Variants in PRAMEF4 observed in about 807,000 individuals in gnomAD.
PRAMEF4 encodes the protein PRAME family member 4.
Under a neutral mutation model 34.4 loss-of-function variants are expected in PRAMEF4, and 18 were observed. The ratio of observed to expected loss-of-function variants is 0.52; its 90% CI spans 0.36 to 0.78. The LOEUF is 0.78. Ranked by LOEUF, PRAMEF4 falls within the 30% of genes least tolerant of loss-of-function variation. The pLI, the probability that PRAMEF4 is intolerant of heterozygous loss-of-function variation, is 0.00. For synonymous variants in PRAMEF4, 156 were observed against 219.3 expected, an observed-to-expected ratio of 0.71 and a Z score of 2.55; for missense variants, 482 against 569.1, an observed-to-expected ratio of 0.85 and a Z score of 1.56.
At chr1:12,880,402 C>A (rs1640865290) in intron 3 of PRAMEF4, among the ~76,000 whole-genome samples, 1 of 150,356 alleles carries the variant, frequency 6.7e-6, no homozygotes, top group Admixed American at 6.7e-5. Context: ...ATGGCAAAAC[C>A]TCCTCTCTAC....
At chr1:12,883,444 C>A (rs374014730) in intron 1 of PRAMEF4, 34 bp from the exon 2 acceptor site, 110 of 1,600,126 alleles carry the variant, frequency 6.9e-5, no homozygotes, top group Middle Eastern at 2.2e-4. Flanking sequence ...AAAGGCATCT[C>A]TCTCGGGCCA....
intron 1 of PRAMEF4, among the ~76,000 whole-genome samples, chr1:12,884,304 TC>T (rs1640952239): frequency 6.7e-6 from 1 of 149,070 alleles, no homozygotes; most frequent in South Asian, 2.1e-4. Flanking sequence ...GGTGTGAGCC[TC>T]CACCCCAGCC....
chr1:12,881,729 A>G, intron 3 of PRAMEF4, 125 bp downstream of exon 3: 1 of 1,456,292 alleles, frequency 6.9e-7, no homozygotes, highest in Non-Finnish European at 9.3e-7. Flanking sequence ...AGGACAATGC[A>G]TGGACATTCT....
rs1411748055 is a variant in PRAMEF4, at chr1:12,881,987, G to A, written c.742C>T (p.Arg248Cys). 7.6e-6 allele frequency: 12 copies of A among 1,588,764 alleles called. No homozygotes were observed. The highest frequency in any genetic ancestry group is 3.5e-5 in the Admixed American group (2 of 57,562). ...TTCTTCTGCTCTGGGGAAACGTAGC[G>A]AGAGACATCCATGTGGGAGAGAATG... ...KLILSHMDVSRYVSPEQKKEI... is the reference protein window; with the variant it reads ...KLILSHMDVSCYVSPEQKKEI... Residue 248 changes from arginine to cysteine, a missense_variant, in exon 3 of 4, where the codon CGC (arginine) becomes TGC (cysteine). This residue lies in a region of PRAMEF4 where 81 missense variants were observed against 73.1 expected (regional missense o/e 1.11). Coordinates refer to ENST00000235349, the MANE Select transcript of PRAMEF4 (RefSeq NM_001009611.4).
At chr1:12,884,638 C>G (rs973062272) in intron 1 of PRAMEF4, among the ~76,000 whole-genome samples, 4 of 147,428 alleles carry the variant, frequency 2.7e-5, no homozygotes, top group African/African-American at 1.0e-4. Flanking sequence ...TCACTTGAAC[C>G]CAGGAGGCAG....
Position 12,879,731 on chromosome 1 carries a change from G to A in PRAMEF4, c.1250C>T (p.Ala417Val), listed in dbSNP as rs532637916. 2.5e-4 allele frequency: 408 copies of A among 1,603,272 alleles called. 21 individuals carry two copies. In the South Asian group the frequency reaches 4.2e-3, roughly 16 times the overall value. Residue 417 changes from alanine (A) to valine (V), a missense_variant, in exon 4 of 4, where the codon GCC becomes GTC. Ala to Val is a moderately conservative substitution (Grantham distance 64). Around this residue, in one of 6 missense-constraint regions of PRAMEF4, gnomAD observed 116 missense variants for 105.2 expected, o/e 1.10. Coordinates refer to ENST00000235349, the MANE Select transcript of PRAMEF4 (RefSeq NM_001009611.4). ...ATCAGCACCATAACTCTCCCGGGGG[G>A]CAGGATACAGCTCCACGCATAAGTT... Reference protein sequence around the residue: ...LKNLCVELYPAPRESYGADGT... With the variant: ...LKNLCVELYPVPRESYGADGT...
At chr1:12,882,741 C>G (rs111601764) in intron 2 of PRAMEF4, among the ~76,000 whole-genome samples, 6 of 148,090 alleles carry the variant, frequency 4.1e-5, no homozygotes, top group East Asian at 2.0e-4. Context: ...CAGGAGCCCA[C>G]CACCATGCCC....
intron 3 of PRAMEF4, among the ~76,000 whole-genome samples, chr1:12,880,786 G>A (rs191113402): frequency 4.2e-5 from 6 of 144,538 alleles, no homozygotes; most frequent in Admixed American, 7.2e-5. Context: ...TACGGTGGGC[G>A]GGCTGCAGGC....
rs2743629 is a variant in PRAMEF4 at position 12,884,817 on chromosome 1, G to C, written c.-17+1330C>G. On this transcript the variant is annotated intron_variant, in intron 1 of 3. Coordinates refer to ENST00000235349, the MANE Select transcript of PRAMEF4 (RefSeq NM_001009611.4). ...AGATTAACTGATCGAATTAGATATTGATCCATCAAAATGAAAGATTTAGGG... is the reference window on the plus strand; with the variant it reads ...AGATTAACTGATCGAATTAGATATTCATCCATCAAAATGAAAGATTTAGGG... Among the ~76,000 whole-genome samples, 451 of 132,470 alleles carry C rather than the reference G, an allele frequency of 3.4e-3. 3 individuals are homozygous for C. Among genetic ancestry groups the C allele is most frequent in the African/African-American group, 0.012 (399 of 33,918 alleles). The allele number at this position is 132,470 out of a possible 152,430, so 86.9% of individuals were successfully genotyped here.
chr1:12,883,449 G>T, intron 1 of PRAMEF4, 39 bp from the exon 2 acceptor site: 1 of 1,596,540 alleles, frequency 6.3e-7, no homozygotes, highest in Non-Finnish European at 8.5e-7. Flanking sequence ...CATCTCTCTC[G>T]GGCCAAGCCC....
chr1:12,883,755 T>C (rs879438232), intron 1 of PRAMEF4, among the ~76,000 whole-genome samples: 12 of 147,968 alleles, frequency 8.1e-5, no homozygotes, highest in African/African-American at 3.0e-4. Context: ...GGAATGGGAA[T>C]GTCACAAGCC....
chr1:12,880,115 G>T lies in PRAMEF4; in HGVS notation c.876-10C>A, dbSNP rs777714311. ...CGAGGTCTTCAGACAGCTGGGGAGA[G>T]AGAGCAAGAAGTTAATTCTGGGGAA... is the stretch of plus-strand genomic sequence containing the variant. On this transcript the variant is annotated splice_polypyrimidine_tract_variant and intron_variant, in intron 3 of 3. Coordinates refer to ENST00000235349, the MANE Select transcript of PRAMEF4 (RefSeq NM_001009611.4). 4.5e-5 allele frequency: 69 copies of T among 1,530,172 alleles called. 12 individuals carry two copies. Among genetic ancestry groups the T allele is most frequent in the Non-Finnish European group, 5.6e-5 (62 of 1,114,564 alleles). The allele number at this position is 1,530,172 out of a possible 1,614,324, so 94.8% of individuals were successfully genotyped here. A position where few individuals can be genotyped will look rare whatever the true frequency, so the allele number is the denominator to read the frequency against.
chr1:12,880,215 G>T (rs1297650676), intron 3 of PRAMEF4, 110 bp from the exon 4 acceptor site: 12 of 1,517,876 alleles, frequency 7.9e-6, no homozygotes, highest in Non-Finnish European at 4.5e-6. Flanking sequence ...CAAGTCCAGG[G>T]TCATTCTGAT....
intron 1 of PRAMEF4, among the ~76,000 whole-genome samples, chr1:12,885,169 G>C (rs934636267): frequency 6.6e-6 from 1 of 150,446 alleles, no homozygotes; most frequent in Non-Finnish European, 1.5e-5. Flanking sequence ...TCACTTCGTC[G>C]CCCAGGCTGG....
At chr1:12,884,939 A>G (rs992177877) in intron 1 of PRAMEF4, among the ~76,000 whole-genome samples, 4 of 150,428 alleles carry the variant, frequency 2.7e-5, no homozygotes, top group African/African-American at 9.8e-5. Context: ...GAGACAGGGA[A>G]GGGTTGAATC....
intron 1 of PRAMEF4, among the ~76,000 whole-genome samples, chr1:12,885,908 T>C (rs558624480): frequency 8.9e-6 from 1 of 112,012 alleles, no homozygotes; most frequent in South Asian, 3.1e-4. Flanking sequence ...GTTAAAGGCA[T>C]GAGTCACTGC....
Position 12,881,494 on chromosome 1 carries a change from G to C in PRAMEF4, c.875+360C>G, listed in dbSNP as rs1736782. Among the ~76,000 whole-genome samples the C allele has an allele frequency of 1.3e-4, 19 of 148,992 alleles. 2 individuals carry two copies. The highest frequency in any genetic ancestry group is 2.8e-4 in the Admixed American group (4 of 14,514). On this transcript the variant is annotated intron_variant, in intron 3 of 3. Transcript: ENST00000235349. ...TATCCTCTTGCCTCAGACTCCCAAA[G>C]TGATAGGATTACAGGCATGAGCCAC...
At chr1:12,883,477 C>G (rs1481548793) in intron 1 of PRAMEF4, 67 bp from the exon 2 acceptor site, 4 of 1,584,750 alleles carry the variant, frequency 2.5e-6, no homozygotes, top group East Asian at 4.5e-5. Context: ...CTCATCCTCT[C>G]CTATGGCCAA....
At chr1:12,883,870 T>G (rs796605415) in intron 1 of PRAMEF4, among the ~76,000 whole-genome samples, 3 of 143,058 alleles carry the variant, frequency 2.1e-5, no homozygotes, top group Admixed American at 1.5e-4. Flanking sequence ...TTAAGCTTGC[T>G]TTCTCTTTCT....
Sources: gnomAD v4.1 joint callset for allele counts (sites outside exome capture counted in the v4.1 genomes callset) on GRCh38, gnomAD v4.1.1 for gene constraint, gnomAD v4.1.1 regional missense constraint, MANE v1.5 for transcripts, NCBI Gene and HGNC (gene_info 2026-07-23, HGNC 2026-07-21) for gene names.